SHANK2: variants seen among roughly 807,000 people sequenced by gnomAD.
SHANK2 encodes the protein SH3 and multiple ankyrin repeat domains protein 2.
Under a neutral mutation model 133.7 loss-of-function variants are expected in SHANK2, and 43 were observed. The ratio of observed to expected loss-of-function variants is 0.32; its 90% CI spans 0.25 to 0.41. The LOEUF (loss-of-function observed/expected upper bound fraction) is 0.41, where lower values mean the gene tolerates loss of function less well. Among genes scored for constraint, SHANK2 ranks in the 10% least tolerant of loss-of-function variants. The pLI, the probability that SHANK2 is intolerant of heterozygous loss-of-function variation, is 1.00. For missense variants in SHANK2, 1,994 were observed against 2,235.8 expected (o/e 0.89, Z 2.18); for synonymous variants, 1,017 against 952.8 (o/e 1.07, Z -1.24).
chr11:71,074,137 C>T (rs1951187148), intron 9 of SHANK2, among the ~76,000 whole-genome samples: 1 of 152,144 alleles, frequency 6.6e-6, no homozygotes, highest in Non-Finnish European at 1.5e-5. Context: ...GTAACAGTTC[C>T]CACTGAGGCA....
At chr11:70,704,209 C>A (rs932498344) in intron 14 of SHANK2, among the ~76,000 whole-genome samples, 2 of 152,244 alleles carry the variant, frequency 1.3e-5, no homozygotes, top group Admixed American at 6.5e-5. Context: ...CTGGACACAG[C>A]CATGCCTGGC....
chr11:70,491,643 G>A (rs1373425930), intron 22 of SHANK2, among the ~76,000 whole-genome samples: 1 of 152,254 alleles, frequency 6.6e-6, no homozygotes, highest in Non-Finnish European at 1.5e-5. Flanking sequence ...AGGACAGGTA[G>A]GCAGTGCTAG....
intron 14 of SHANK2, among the ~76,000 whole-genome samples, chr11:70,704,559 G>A (rs559910772): frequency 1.3e-5 from 2 of 152,350 alleles, no homozygotes; most frequent in East Asian, 1.9e-4. Flanking sequence ...AAGGACAGGT[G>A]GCTTTTTTTC....
intron 11 of SHANK2, among the ~76,000 whole-genome samples, chr11:70,889,919 G>C (rs527764019): frequency 6.6e-6 from 1 of 152,282 alleles, no homozygotes; most frequent in South Asian, 2.1e-4. Context: ...CAGGACATGG[G>C]GGAGTAGGAG....
At chr11:70,737,168 C>G (rs1555033741) in intron 14 of SHANK2, among the ~76,000 whole-genome samples, 1 of 152,226 alleles carries the variant, frequency 6.6e-6, no homozygotes, top group African/African-American at 2.4e-5. Flanking sequence ...AGGTCCCTCA[C>G]AGGCTGGGTG....
chr11:70,573,215 C>T (rs897183165), intron 17 of SHANK2, among the ~76,000 whole-genome samples: 5 of 148,290 alleles, frequency 3.4e-5, no homozygotes, highest in African/African-American at 1.2e-4. Flanking sequence ...GCTGGGCGGT[C>T]ACTGCAGCGG....
At chr11:71,119,841 C>T (rs1164944882) in intron 3 of SHANK2, among the ~76,000 whole-genome samples, 2 of 152,184 alleles carry the variant, frequency 1.3e-5, no homozygotes, top group Non-Finnish European at 1.5e-5. Flanking sequence ...TTCAGAGCCA[C>T]AGCCCGCGCA....
At chr11:70,826,783 G>A (rs782362981) in intron 11 of SHANK2, 1 of 299,686 alleles carries the variant, frequency 3.3e-6, no homozygotes, top group Non-Finnish European at 6.7e-6. Context: ...CGTCATGTGA[G>A]CCGGGCTACT....
At chr11:70,567,027 G>T (rs569159621) in intron 17 of SHANK2, among the ~76,000 whole-genome samples, 1 of 152,282 alleles carries the variant, frequency 6.6e-6, no homozygotes. Flanking sequence ...TCCCCTCGAG[G>T]CTGGAGGAAT....
chr11:71,197,807 A>G (rs376996316), intron 2 of SHANK2, among the ~76,000 whole-genome samples: 2 of 152,312 alleles, frequency 1.3e-5, no homozygotes, highest in East Asian at 3.9e-4. Flanking sequence ...CAGGCATTTT[A>G]TAAAACACTG....
intron 14 of SHANK2, among the ~76,000 whole-genome samples, chr11:70,744,159 C>A (rs1424621677): frequency 6.6e-6 from 1 of 152,230 alleles, no homozygotes; most frequent in Non-Finnish European, 1.5e-5. Context: ...ACACACAGGG[C>A]CCCAGAGCCA....
At chr11:70,523,058 C>CCGCGGGTG (rs2059350793) in intron 17 of SHANK2, among the ~76,000 whole-genome samples, 1 of 152,160 alleles carries the variant, frequency 6.6e-6, no homozygotes, top group South Asian at 2.1e-4. Context: ...ACCCACAGGC[C>CCGCGGGTG]CACACCTGCA....
intron 10 of SHANK2, among the ~76,000 whole-genome samples, chr11:70,955,285 T>C (rs1411806205): frequency 1.3e-5 from 2 of 152,042 alleles, no homozygotes; most frequent in African/African-American, 4.8e-5. Flanking sequence ...AAATATACAA[T>C]GCCAGGTGCT....
chr11:70,505,965 G>T (rs1383845893), intron 17 of SHANK2, among the ~76,000 whole-genome samples: 1 of 152,232 alleles, frequency 6.6e-6, no homozygotes, highest in Non-Finnish European at 1.5e-5. Flanking sequence ...CTGGCCCTTG[G>T]CCGCTTTGGG....
intron 17 of SHANK2, among the ~76,000 whole-genome samples, chr11:70,571,749 G>A (rs782027938): frequency 6.6e-6 from 1 of 152,196 alleles, no homozygotes; most frequent in East Asian, 1.9e-4. Flanking sequence ...AGGGTGGTGC[G>A]TGCAGGGAGA....
chr11:70,856,235 T>C (rs1949169676), intron 11 of SHANK2, among the ~76,000 whole-genome samples: 1 of 151,820 alleles, frequency 6.6e-6, no homozygotes, highest in African/African-American at 2.4e-5. Flanking sequence ...GATGAATAAA[T>C]GGACAGATGG....
chr11:70,613,266 C>T (rs554139840), intron 17 of SHANK2, among the ~76,000 whole-genome samples: 3 of 151,784 alleles, frequency 2.0e-5, no homozygotes, highest in Admixed American at 6.6e-5. Context: ...TACAGTGGTG[C>T]GATCTTGGCT....
At chr11:71,217,295 G>A (rs1266917250) in intron 2 of SHANK2, among the ~76,000 whole-genome samples, 2 of 150,974 alleles carry the variant, frequency 1.3e-5, no homozygotes. Context: ...CACTTGAGGT[G>A]AGGAGTTTGA....
chr11:70,542,225 T>G (rs1270103495), intron 17 of SHANK2, among the ~76,000 whole-genome samples: 3 of 152,170 alleles, frequency 2.0e-5, no homozygotes, highest in Non-Finnish European at 2.9e-5. Context: ...GTAGATATAA[T>G]TAAGTTAAGG....
Sources: gnomAD v4.1 joint callset for allele counts (sites outside exome capture counted in the v4.1 genomes callset) on GRCh38, gnomAD v4.1.1 for gene constraint, MANE v1.5 for transcripts, NCBI Gene and HGNC (gene_info 2026-07-23, HGNC 2026-07-21) for gene names.